EGFLAM: variants seen among roughly 807,000 people sequenced by gnomAD.
The protein encoded by EGFLAM is pikachurin.
Under a neutral mutation model 113.1 loss-of-function variants are expected in EGFLAM, and 79 were observed. That is an observed-to-expected ratio of 0.70 (90% CI 0.58 to 0.84). The LOEUF (loss-of-function observed/expected upper bound fraction) is 0.84, where lower values mean the gene tolerates loss of function less well. Ranked by LOEUF, EGFLAM falls within the 40% of genes least tolerant of loss-of-function variation. The pLI, the probability that EGFLAM is intolerant of heterozygous loss-of-function variation, is 0.00. For synonymous variants in EGFLAM, 504 were observed against 487.6 expected, an observed-to-expected ratio of 1.03 and a Z score of -0.44; for missense variants, 1,265 against 1,291.6, an observed-to-expected ratio of 0.98 and a Z score of 0.32.
At chr5:38,350,407 C>A in intron 3 of EGFLAM, 94 bp from the exon 4 acceptor site, 1 of 1,222,348 alleles carries the variant, frequency 8.2e-7, no homozygotes, top group South Asian at 1.4e-5. Flanking sequence ...AGCAGTTTCA[C>A]AGGGGCCTCG....
chr5:38,311,094 A>T (rs2111859751), intron 1 of EGFLAM, among the ~76,000 whole-genome samples: 1 of 152,212 alleles, frequency 6.6e-6, no homozygotes, highest in African/African-American at 2.4e-5. Context: ...AATGTTTAAA[A>T]ATTGACAAAG....
intron 15 of EGFLAM, among the ~76,000 whole-genome samples, chr5:38,432,891 C>A (rs915140888): frequency 1.3e-5 from 2 of 152,216 alleles, no homozygotes; most frequent in Non-Finnish European, 2.9e-5. Context: ...GAAACCAATA[C>A]GGTGACACCT....
At chr5:38,379,385 C>A (rs1398268588) in intron 6 of EGFLAM, among the ~76,000 whole-genome samples, 1 of 151,616 alleles carries the variant, frequency 6.6e-6, no homozygotes, top group East Asian at 1.9e-4. Flanking sequence ...ACGCAGAGAA[C>A]ACAGGAGAGA....
intron 12 of EGFLAM, among the ~76,000 whole-genome samples, chr5:38,419,595 C>T (rs1741763227): frequency 6.6e-6 from 1 of 152,202 alleles, no homozygotes; most frequent in South Asian, 2.1e-4. Context: ...ACTCCTAGAA[C>T]AGTTTTTTGT....
chr5:38,307,899 G>A (rs1047422032), intron 1 of EGFLAM, among the ~76,000 whole-genome samples: 1 of 152,184 alleles, frequency 6.6e-6, no homozygotes, highest in African/African-American at 2.4e-5. Flanking sequence ...AGCCTGAGGG[G>A]TGGGCATGGC....
chr5:38,434,134 T>C (rs1742270843), intron 15 of EGFLAM, among the ~76,000 whole-genome samples: 1 of 152,204 alleles, frequency 6.6e-6, no homozygotes, highest in Non-Finnish European at 1.5e-5. Flanking sequence ...TAATGTGGTG[T>C]GTAAGGCTCT....
At chr5:38,364,345 A>T (rs1038766238) in intron 5 of EGFLAM, among the ~76,000 whole-genome samples, 1 of 152,188 alleles carries the variant, frequency 6.6e-6, no homozygotes, top group Non-Finnish European at 1.5e-5. Flanking sequence ...TTTGAAGGAA[A>T]GAAGGCTTCT....
At chr5:38,340,193 G>A (rs1739300617) in intron 3 of EGFLAM, among the ~76,000 whole-genome samples, 1 of 152,176 alleles carries the variant, frequency 6.6e-6, no homozygotes, top group South Asian at 2.1e-4. Context: ...AACAAGGCTG[G>A]GAGGGAGACC....
intron 1 of EGFLAM, among the ~76,000 whole-genome samples, chr5:38,308,322 G>A (rs1758781698): frequency 6.6e-6 from 1 of 152,224 alleles, no homozygotes; most frequent in Admixed American, 6.5e-5. Flanking sequence ...ACTTGTCAAT[G>A]TCCTTATTGC....
intron 1 of EGFLAM, among the ~76,000 whole-genome samples, chr5:38,280,960 G>A (rs1217467902): frequency 6.6e-6 from 1 of 152,168 alleles, no homozygotes; most frequent in Non-Finnish European, 1.5e-5. Context: ...TATAGTGTAA[G>A]AGAAACCATG....
intron 1 of EGFLAM, among the ~76,000 whole-genome samples, chr5:38,330,808 C>A (rs1024655147): frequency 6.6e-6 from 1 of 152,146 alleles, no homozygotes; most frequent in African/African-American, 2.4e-5. Flanking sequence ...CTTTCTCCCC[C>A]ACTTTTCAGC....
intron 19 of EGFLAM, 75 bp from the exon 20 acceptor site, chr5:38,458,236 T>C: frequency 7.5e-7 from 1 of 1,336,768 alleles, no homozygotes; most frequent in Non-Finnish European, 1.0e-6. Context: ...GCCCTGAGAA[T>C]CGTCTGTGAA....
At chr5:38,341,245 T>C (rs992043586) in intron 3 of EGFLAM, among the ~76,000 whole-genome samples, 2 of 152,272 alleles carry the variant, frequency 1.3e-5, no homozygotes, top group East Asian at 3.9e-4. Context: ...GGGTAATTTA[T>C]AAAGAAAAGA....
intron 1 of EGFLAM, among the ~76,000 whole-genome samples, chr5:38,278,704 G>T (rs1020604684): frequency 1.3e-5 from 2 of 151,974 alleles, no homozygotes; most frequent in African/African-American, 4.8e-5. Context: ...GGCTAGGCTG[G>T]TCTTGAACTC....
chr5:38,397,589 A>G (rs1227160098), intron 6 of EGFLAM, among the ~76,000 whole-genome samples: 1 of 152,080 alleles, frequency 6.6e-6, no homozygotes, highest in African/African-American at 2.4e-5. Flanking sequence ...TACCACGTCC[A>G]GCATCAGATT....
At chr5:38,342,108 G>A (rs1489979110) in intron 3 of EGFLAM, among the ~76,000 whole-genome samples, 1 of 152,172 alleles carries the variant, frequency 6.6e-6, no homozygotes, top group East Asian at 1.9e-4. Flanking sequence ...GCTCAGTGAA[G>A]AGTGCCTAGT....
At chr5:38,339,702 C>A (rs2561125) in intron 3 of EGFLAM, among the ~76,000 whole-genome samples, 4,024 of 152,214 alleles carry the variant, frequency 0.026, 202 homozygotes, top group African/African-American at 0.091. Flanking sequence ...CATACATTAG[C>A]GAGTAACAGC....
At chr5:38,437,593 A>C (rs959874112) in intron 16 of EGFLAM, among the ~76,000 whole-genome samples, 2 of 152,114 alleles carry the variant, frequency 1.3e-5, no homozygotes, top group Non-Finnish European at 2.9e-5. Context: ...TCTCACCTTC[A>C]GAGATTCTGG....
At chr5:38,309,802 G>A (rs1738375228) in intron 1 of EGFLAM, among the ~76,000 whole-genome samples, 1 of 152,158 alleles carries the variant, frequency 6.6e-6, no homozygotes, top group Admixed American at 6.5e-5. Flanking sequence ...AACATCCAAA[G>A]GGGACAGCCA....
Sources: allele counts gnomAD v4.1 joint callset (sites outside exome capture counted in the v4.1 genomes callset), GRCh38; gene constraint gnomAD v4.1.1; transcripts MANE v1.5; gene names NCBI Gene and HGNC (gene_info 2026-07-23, HGNC 2026-07-21).